The following SYCP1 variants were observed in gnomAD, a reference collection of about 807,000 sequenced individuals.
SYCP1 encodes the protein synaptonemal complex protein 1, also known as cancer/testis antigen 8.
SYCP1 carries 64 observed loss-of-function variants against 153.1 expected under a neutral mutation model. The ratio of observed to expected loss-of-function variants is 0.42; its 90% CI spans 0.34 to 0.51. The LOEUF is 0.51. SYCP1 is among the 20% of genes least tolerant of loss of function. The pLI is 0.06. For synonymous variants in SYCP1, 384 were observed against 341.8 expected (o/e 1.12, Z -1.36); for missense variants, 997 against 1,049.0 (o/e 0.95, Z 0.68).
chr1:114,870,578 A>C (rs2101410001), intron 8 of SYCP1, among the ~76,000 whole-genome samples: 1 of 152,280 alleles, frequency 6.6e-6, no homozygotes, highest in Middle Eastern at 3.4e-3. Context: ...CCTTCATCAG[A>C]TGTTTCTTTT....
chr1:114,965,882 C>A (rs1278007967), intron 27 of SYCP1, among the ~76,000 whole-genome samples: 4 of 152,044 alleles, frequency 2.6e-5, no homozygotes, highest in Admixed American at 2.0e-4. Context: ...GGCAGGAGTC[C>A]CTCTTTTTCT....
chr1:114,886,983 G>A (rs572652662), intron 14 of SYCP1, among the ~76,000 whole-genome samples: 11 of 152,038 alleles, frequency 7.2e-5, no homozygotes, highest in East Asian at 3.9e-4. Context: ...TGTCTCATTA[G>A]CATTAGGGTT....
intron 18 of SYCP1, 28 bp downstream of exon 18, chr1:114,911,610 T>A (rs767339964): frequency 7.9e-7 from 1 of 1,267,286 alleles, no homozygotes; most frequent in African/African-American, 1.5e-5. Context: ...CTAAAAATAG[T>A]TTATGTACTC....
At chr1:114,883,804 T>A (rs1054980138) in intron 12 of SYCP1, among the ~76,000 whole-genome samples, 1 of 152,180 alleles carries the variant, frequency 6.6e-6, no homozygotes, top group African/African-American at 2.4e-5. Context: ...GTGATTCTCC[T>A]GCCTCAGCCT....
chr1:114,878,232 G>A, intron 12 of SYCP1, 30 bp downstream of exon 12: 1 of 1,313,712 alleles, frequency 7.6e-7, no homozygotes. Flanking sequence ...AATATAATGT[G>A]CCTTATGTAT....
At chr1:114,887,528 T>G in intron 14 of SYCP1, 98 bp from the exon 15 acceptor site, 2 of 672,308 alleles carry the variant, frequency 3.0e-6, no homozygotes, top group South Asian at 4.9e-5. Context: ...GGTGAATCTA[T>G]TCTAAGATAT....
intron 30 of SYCP1, among the ~76,000 whole-genome samples, chr1:114,990,680 A>T (rs1207338744): frequency 6.6e-6 from 1 of 151,984 alleles, no homozygotes; most frequent in East Asian, 1.9e-4. Flanking sequence ...AAATAATTGT[A>T]TGCCAACAAA....
intron 27 of SYCP1, among the ~76,000 whole-genome samples, chr1:114,955,154 G>A (rs918885637): frequency 7.9e-5 from 12 of 152,244 alleles, no homozygotes; most frequent in Non-Finnish European, 1.5e-4. Flanking sequence ...TGCATTGATT[G>A]ATATTATCAT....
chr1:114,952,476 A>G (rs1183330146), intron 27 of SYCP1, among the ~76,000 whole-genome samples: 2 of 152,218 alleles, frequency 1.3e-5, no homozygotes, highest in Non-Finnish European at 2.9e-5. Context: ...TAAAGAAAAG[A>G]GGTTTAATTG....
intron 27 of SYCP1, among the ~76,000 whole-genome samples, chr1:114,977,241 A>T (rs753061048): frequency 4.6e-5 from 7 of 151,748 alleles, no homozygotes; most frequent in Non-Finnish European, 7.4e-5. Context: ...ACTTGTGCGT[A>T]TCTCTCATTC....
intron 8 of SYCP1, among the ~76,000 whole-genome samples, chr1:114,871,849 G>A (rs1665157037): frequency 6.6e-6 from 1 of 152,204 alleles, no homozygotes; most frequent in Non-Finnish European, 1.5e-5. Context: ...GCCTCCCAAA[G>A]TGCTGGGATT....
intron 8 of SYCP1, among the ~76,000 whole-genome samples, chr1:114,868,387 C>T (rs2101383534): frequency 6.6e-6 from 1 of 152,286 alleles, no homozygotes; most frequent in Non-Finnish European, 1.5e-5. Context: ...GCAATCCTTT[C>T]ACTTCAGTCT....
At chr1:114,855,693 C>T in intron 2 of SYCP1, 121 bp downstream of exon 2, 1 of 759,290 alleles carries the variant, frequency 1.3e-6, no homozygotes, top group Non-Finnish European at 2.1e-6. Context: ...CTCATTTACC[C>T]AAGAATTTTG....
intron 16 of SYCP1, among the ~76,000 whole-genome samples, chr1:114,903,732 T>C (rs752500823): frequency 2.6e-5 from 4 of 152,050 alleles, no homozygotes; most frequent in Non-Finnish European, 4.4e-5. Flanking sequence ...CAGTTAAGAG[T>C]AGACAGACAA....
intron 23 of SYCP1, among the ~76,000 whole-genome samples, chr1:114,929,934 A>G (rs1009435633): frequency 6.6e-6 from 1 of 152,066 alleles, no homozygotes. Context: ...AATAGACTAC[A>G]TGCTGAGCCA....
intron 27 of SYCP1, among the ~76,000 whole-genome samples, chr1:114,964,776 A>G (rs994802589): frequency 6.6e-6 from 1 of 152,084 alleles, no homozygotes; most frequent in Non-Finnish European, 1.5e-5. Flanking sequence ...GCCTTGTAGT[A>G]TAGTTTGAAG....
At chr1:114,918,397 G>T (rs1397919366) in intron 20 of SYCP1, among the ~76,000 whole-genome samples, 3 of 152,004 alleles carry the variant, frequency 2.0e-5, no homozygotes, top group Non-Finnish European at 4.4e-5. Context: ...CTATAGCTAG[G>T]TAGTACATTT....
chr1:114,977,666 C>A, intron 28 of SYCP1, 50 bp downstream of exon 28: 1 of 1,158,682 alleles, frequency 8.6e-7, no homozygotes, highest in Non-Finnish European at 1.2e-6. Context: ...CATTTTCTAA[C>A]TTCTACTTAG....
chr1:114,935,801 T>C (rs1341167045), intron 23 of SYCP1, among the ~76,000 whole-genome samples: 2 of 152,156 alleles, frequency 1.3e-5, no homozygotes, highest in Non-Finnish European at 2.9e-5. Flanking sequence ...GTAGAAAATC[T>C]AGAAGAAATG....
Sources: gnomAD v4.1 joint callset for allele counts (sites outside exome capture counted in the v4.1 genomes callset) on GRCh38, gnomAD v4.1.1 for gene constraint, MANE v1.5 for transcripts, NCBI Gene and HGNC (gene_info 2026-07-23, HGNC 2026-07-21) for gene names.